The following FLOT2 variants were observed in gnomAD, a reference collection of about 807,000 sequenced individuals.
The protein encoded by FLOT2 is flotillin-2.
Under a neutral mutation model 54.9 loss-of-function variants are expected in FLOT2, and 35 were observed. That is an observed-to-expected ratio of 0.64 (90% CI 0.49 to 0.84). The LOEUF (loss-of-function observed/expected upper bound fraction) is 0.84. Ranked by LOEUF, FLOT2 falls within the 40% of genes least tolerant of loss-of-function variation. The pLI is 0.00. For synonymous variants in FLOT2, 207 were observed against 228.9 expected (o/e 0.90, Z 0.86); for missense variants, 464 against 572.1 (o/e 0.81, Z 1.93).
Position 28,882,763 on chromosome 17 carries a change from T to A in FLOT2, c.347-72A>T. The A allele has an allele frequency of 9.9e-7, 1 of 1,012,934 alleles. No homozygotes were observed. Among genetic ancestry groups the A allele is most frequent in the Non-Finnish European group, 1.6e-6 (1 of 644,444 alleles). The allele number at this position is 1,012,934 out of a possible 1,614,324, so 62.7% of individuals were successfully genotyped here. A position where few individuals can be genotyped will look rare whatever the true frequency, so the allele number is the denominator to read the frequency against. ...CTGGGGAAGGGAGGAGGCATGCATG[T>A]AGAGGTAGGGGTGCATGCGGGGTGC... On this transcript the variant is annotated intron_variant, in intron 4 of 10. Transcript: ENST00000394908. The surrounding 1 kb of genome is among the most constrained non-coding windows in gnomAD (Gnocchi z 5.6).
chr17:28,889,005 TAGTC>T lies in FLOT2; in HGVS notation c.67_70del (p.Asp23IlefsTer24). 6.2e-7 allele frequency: 1 copy of T among 1,614,146 alleles called. No homozygotes were observed. The highest frequency in any genetic ancestry group is 8.5e-7 in the Non-Finnish European group (1 of 1,179,996). The stretch of plus-strand genomic sequence containing the variant: ...CCAGCCGCCAAACACGTACTGTTTA[TAGTC>T]GGAACCACAACAGCCCCCTGGGGAG... On this transcript the variant is annotated frameshift_variant, in exon 2 of 11. Coordinates refer to ENST00000394908, the MANE Select transcript of FLOT2 (RefSeq NM_004475.3). LOFTEE classifies it high-confidence loss of function.
At chr17:28,888,810 A>ACCCCC in intron 2 of FLOT2, 135 bp downstream of exon 2, 15 of 273,022 alleles carry the variant, frequency 5.5e-5, no homozygotes, top group Non-Finnish European at 6.8e-5. Context: ...CCCCAACCCC[A>ACCCCC]CCCCTCCACC....
In FLOT2 at chr17:28,880,581, C is replaced by T. The variant is rs761867326; in HGVS notation, c.1267G>A (p.Ala423Thr). 3.7e-6 allele frequency: 6 copies of T among 1,614,054 alleles called. No homozygotes were observed. The highest frequency in any genetic ancestry group is 3.4e-6 in the Non-Finnish European group (4 of 1,179,982). Residue 423 changes from alanine (A) to threonine (T), a missense_variant, in exon 11 of 11, where the codon GCC (alanine) becomes ACC (threonine). Transcript: ENST00000394908. ...DLSKIPLIKK[A>T]TGVQV ...GAGCCTCACACCTGCACACCAGTGGCCTTCTTGATCAGGGGTATCTGCAAG... is the reference window on the plus strand; with the variant it reads ...GAGCCTCACACCTGCACACCAGTGGTCTTCTTGATCAGGGGTATCTGCAAG...
Position 28,884,949 on chromosome 17 carries a change from A to T in FLOT2, c.132-634T>A, listed in dbSNP as rs916261640. The stretch of plus-strand genomic sequence containing the variant: ...TAGGCCCAGGTGGGTCACATGGGGA[A>T]TTTAGACTGAAGTCACACTAGAGCT... On this transcript the variant is annotated intron_variant, in intron 2 of 10. Transcript: ENST00000394908. The surrounding 1 kb of genome is among the most constrained non-coding windows in gnomAD (Gnocchi z 5.1). Among the ~76,000 whole-genome samples, 1 of 152,206 alleles carries T rather than the reference A, an allele frequency of 6.6e-6. No homozygotes were observed. Among genetic ancestry groups the T allele is most frequent in the African/African-American group, 2.4e-5 (1 of 41,452 alleles).
At chr17:28,893,766 T>G (rs2039692492) in intron 1 of FLOT2, among the ~76,000 whole-genome samples, 1 of 152,240 alleles carries the variant, frequency 6.6e-6, no homozygotes. Context: ...TAGAAACCGA[T>G]GTTATTCATA....
chr17:28,882,062 T>C lies in FLOT2; in HGVS notation c.700-34A>G, dbSNP rs770274148. ...AGAGGGTGTGTGGCACATTAGAGGC[T>C]GGTCACCAAGTCCTGATCCCTGAGC... On this transcript the variant is annotated intron_variant, in intron 7 of 10. Transcript: ENST00000394908. This position sits in a 1 kb window ranked among gnomAD's most constrained non-coding sequence, Gnocchi z 5.6. The C allele has an allele frequency of 8.1e-6, 13 of 1,613,966 alleles. No homozygotes were observed. In the Admixed American group the frequency reaches 8.3e-5, roughly 10 times the overall value.
rs2039461120 is a variant in FLOT2, at chr17:28,882,090, C to G, written c.699+28G>C. 6.2e-7 allele frequency: 1 copy of G among 1,613,850 alleles called. No individual in the cohort carries two copies. Among genetic ancestry groups the G allele is most frequent in the African/African-American group, 1.3e-5 (1 of 75,044 alleles). ...TCACCAAGTCCTGATCCCTGAGCCCCATCCCAGGATGTCCTCAGGCTGCTC... is the reference window on the plus strand; with the variant it reads ...TCACCAAGTCCTGATCCCTGAGCCCGATCCCAGGATGTCCTCAGGCTGCTC... On this transcript the variant is annotated intron_variant, in intron 7 of 10. Transcript: ENST00000394908. The surrounding 1 kb of genome is among the most constrained non-coding windows in gnomAD (Gnocchi z 5.6).
chr17:28,894,506 C>T (rs2039707949), intron 1 of FLOT2, among the ~76,000 whole-genome samples: 1 of 151,784 alleles, frequency 6.6e-6, no homozygotes. Context: ...CACCTGTAAT[C>T]CCAGCTACTT....
Position 28,880,596 on chromosome 17 carries a change from G to A in FLOT2, c.1252C>T (p.Pro418Ser), listed in dbSNP as rs1164203849. Reference sequence around the variant, plus strand: ...ACACCAGTGGCCTTCTTGATCAGGGGTATCTGCAAGGATGGGAGATGCCAT... The same window carrying A: ...ACACCAGTGGCCTTCTTGATCAGGGATATCTGCAAGGATGGGAGATGCCAT... ...ALTGVDLSKIPLIKKATGVQV is the reference protein window; with the variant it reads ...ALTGVDLSKISLIKKATGVQV Residue 418 changes from proline to serine, a missense_variant, in exon 11 of 11, where the codon CCC becomes TCC. Coordinates refer to ENST00000394908, the MANE Select transcript of FLOT2 (RefSeq NM_004475.3). 4 of 1,613,988 alleles carry A rather than the reference G, an allele frequency of 2.5e-6. No homozygotes were observed. The highest frequency in any genetic ancestry group is 8.5e-7 in the Non-Finnish European group (1 of 1,180,002).
chr17:28,894,982 G>T (rs1400349998), intron 1 of FLOT2, among the ~76,000 whole-genome samples: 1 of 148,468 alleles, frequency 6.7e-6, no homozygotes, highest in Admixed American at 6.9e-5. Flanking sequence ...TGTGATCTTG[G>T]CTCAATGCAT....
At chr17:28,894,570 G>A (rs1425479331) in intron 1 of FLOT2, among the ~76,000 whole-genome samples, 1 of 149,676 alleles carries the variant, frequency 6.7e-6, no homozygotes, top group Non-Finnish European at 1.5e-5. Context: ...GCTGCAGTGA[G>A]CTGAAGTCAT....
chr17:28,880,321 G>A lies in FLOT2; in HGVS notation c.*240C>T. ...GACAGACAAAGGAAAAGACACGCAG[G>A]GAGATGAGACACAAACCTGATGAAA... is the stretch of plus-strand genomic sequence containing the variant. On this transcript the variant is annotated 3_prime_UTR_variant, in exon 11 of 11. Transcript: ENST00000394908. The A allele has an allele frequency of 4.3e-6, 6 of 1,384,574 alleles. No individual in the cohort carries two copies. The highest frequency in any genetic ancestry group is 5.6e-6 in the Non-Finnish European group (6 of 1,070,938). The allele number at this position is 1,384,574 out of a possible 1,614,324, so 85.8% of individuals were successfully genotyped here.
chr17:28,882,534 G>C lies in FLOT2; in HGVS notation c.465+39C>G, dbSNP rs765323705. ...CCTCTAACAAAGCCACCATCTCCCAGATGGACGCCAGGAGATACAGCTTCC... is the reference window on the plus strand; with the variant it reads ...CCTCTAACAAAGCCACCATCTCCCACATGGACGCCAGGAGATACAGCTTCC... On this transcript the variant is annotated intron_variant, in intron 5 of 10. Coordinates refer to ENST00000394908, the MANE Select transcript of FLOT2 (RefSeq NM_004475.3). This position sits in a 1 kb window ranked among gnomAD's most constrained non-coding sequence, Gnocchi z 5.6. The C allele has an allele frequency of 6.3e-6, 10 of 1,586,822 alleles. 1 individual carries two copies. The Admixed American group carries it at 1.7e-4, about 26-fold the overall frequency.
chr17:28,889,099 A>G (rs1445033353), intron 1 of FLOT2, 73 bp from the exon 2 acceptor site: 2 of 1,286,572 alleles, frequency 1.6e-6, no homozygotes, highest in Non-Finnish European at 2.2e-6. Flanking sequence ...ACTGATAGCA[A>G]CTTTTGTCCT....
In FLOT2 at chr17:28,881,934, T is replaced by C. The variant is rs2152646312; in HGVS notation, c.794A>G (p.Lys265Arg). Residue 265 changes from lysine to arginine, a missense_variant, in exon 8 of 11, where the codon AAG (lysine) becomes AGG (arginine). Lys to Arg is a conservative substitution (Grantham distance 26, BLOSUM62 2). Coordinates refer to ENST00000394908, the MANE Select transcript of FLOT2 (RefSeq NM_004475.3). ...EEIEIEVVQRKKQIAVEAQEI... is the reference protein window; with the variant it reads ...EEIEIEVVQRRKQIAVEAQEI... ...CTGTGCCTCCACGGCAATCTGTTTCTTGCGCTGCACAACCTCAATCTCAAT... is the reference window on the plus strand; with the variant it reads ...CTGTGCCTCCACGGCAATCTGTTTCCTGCGCTGCACAACCTCAATCTCAAT... 1 of 1,614,080 alleles carries C rather than the reference T, an allele frequency of 6.2e-7. No individual in the cohort carries two copies. The highest frequency in any genetic ancestry group is 1.6e-4 in the Middle Eastern group (1 of 6,062).
chr17:28,891,181 G>A (rs956696185), intron 1 of FLOT2, among the ~76,000 whole-genome samples: 16 of 152,140 alleles, frequency 1.1e-4, no homozygotes, highest in African/African-American at 2.4e-4. Context: ...GCGCCTGGCC[G>A]AGCATTATCA....
chr17:28,885,788 G>C lies in FLOT2; in HGVS notation c.132-1473C>G, dbSNP rs1598093377. On this transcript the variant is annotated intron_variant, in intron 2 of 10. Transcript: ENST00000394908. The stretch of plus-strand genomic sequence containing the variant: ...TCAGGAGGGGAGTCCATCGGCTCCT[G>C]TCTGCCAGGCCCCGCAGGGCAGGAA... 1.8e-5 allele frequency: 19 copies of C among 1,063,708 alleles called. No individual in the cohort carries two copies. In the East Asian group the frequency reaches 4.9e-4, roughly 27 times the overall value. The allele number at this position is 1,063,708 out of a possible 1,614,324, so 65.9% of individuals were successfully genotyped here. A position where few individuals can be genotyped will look rare whatever the true frequency, so the allele number is the denominator to read the frequency against.
rs1321756081 is a variant in FLOT2 at position 28,879,528 on chromosome 17, T to C, written c.*1033A>G. On this transcript the variant is annotated 3_prime_UTR_variant, in exon 11 of 11. Transcript: ENST00000394908. Reference sequence around the variant, plus strand: ...GCCAAGACGCTTGGGTCCTGGGCTCTTCTGCCTCCATTGGAGCAAGGAGAC... The same window carrying C: ...GCCAAGACGCTTGGGTCCTGGGCTCCTCTGCCTCCATTGGAGCAAGGAGAC... 1.0e-6 allele frequency: 1 copy of C among 985,938 alleles called. No individual in the cohort carries two copies. Among genetic ancestry groups the C allele is most frequent in the East Asian group, 1.1e-4 (1 of 8,808 alleles). The allele number at this position is 985,938 out of a possible 1,614,324, so 61.1% of individuals were successfully genotyped here. A position where few individuals can be genotyped will look rare whatever the true frequency, so the allele number is the denominator to read the frequency against.
At chr17:28,893,810 A>G (rs188655300) in intron 1 of FLOT2, among the ~76,000 whole-genome samples, 11 of 152,242 alleles carry the variant, frequency 7.2e-5, no homozygotes, top group Non-Finnish European at 1.2e-4. Flanking sequence ...ACATTGTGAA[A>G]CTCCCTGTCC....
Sources: gnomAD v4.1 joint callset for allele counts (sites outside exome capture counted in the v4.1 genomes callset) on GRCh38, gnomAD v4.1.1 for gene constraint, Gnocchi (gnomAD v3.1) non-coding constraint, MANE v1.5 for transcripts, NCBI Gene and HGNC (gene_info 2026-07-23, HGNC 2026-07-21) for gene names.